Variants in NIPBL observed in about 807,000 individuals in gnomAD.
NIPBL encodes the protein nipped-B-like protein.
NIPBL carries 19 observed loss-of-function variants against 321.8 expected under a neutral mutation model. The observed-to-expected ratio is 0.06, with a 90% CI of 0.04 to 0.09. The LOEUF (loss-of-function observed/expected upper bound fraction) is 0.09. NIPBL is among the 10% of genes least tolerant of loss of function. The pLI is 1.00. For synonymous variants in NIPBL, 1,106 were observed against 1,114.1 expected, an observed-to-expected ratio of 0.99 and a Z score of 0.14; for missense variants, 2,210 against 3,327.0, an observed-to-expected ratio of 0.66 and a Z score of 8.26.
At chr5:36,951,202 A>G (rs1010405297) in intron 1 of NIPBL, among the ~76,000 whole-genome samples, 1 of 152,148 alleles carries the variant, frequency 6.6e-6, no homozygotes, top group Admixed American at 6.5e-5. Flanking sequence ...TTAATCTTCT[A>G]GTTCATACAT....
chr5:37,060,026 T>G (rs1754500424), intron 44 of NIPBL, among the ~76,000 whole-genome samples: 1 of 152,186 alleles, frequency 6.6e-6, no homozygotes, highest in South Asian at 2.1e-4. Context: ...ACCTGGTCAA[T>G]GGCCAACTGG....
chr5:37,057,296 A>T lies in NIPBL; in HGVS notation c.7374A>T (p.Ser2458=), dbSNP rs1324820019. The T allele has an allele frequency of 6.2e-7, 1 of 1,613,698 alleles. No individual in the cohort carries two copies. The highest frequency in any genetic ancestry group is 8.5e-7 in the Non-Finnish European group (1 of 1,179,644). Residue 2458 remains serine (S), a synonymous_variant, in exon 43 of 47, where the codon TCA becomes TCT. Coordinates refer to ENST00000282516, the MANE Select transcript of NIPBL (RefSeq NM_133433.4). The part of the protein sequence containing the change: ...FIMHHIDITL[S]VSGSNLLQSF... ...TGCATCATATAGACATTACACTCTC[A>T]GTTTCTGGTAGTAACCTACTGCAGT...
intron 6 of NIPBL, among the ~76,000 whole-genome samples, chr5:36,970,283 G>A (rs1404297846): frequency 6.6e-6 from 1 of 151,852 alleles, no homozygotes; most frequent in Non-Finnish European, 1.5e-5. Flanking sequence ...CTACTCAGAA[G>A]GCTAAGGCAA....
In NIPBL at chr5:37,064,924, A is replaced by T. The variant is rs758539444; in HGVS notation, c.*32A>T. ...TGTACATGCAGCCAAATTTACAGGA[A>T]TTTTTTTAAAAGGCAGAAAAACTTG... On this transcript the variant is annotated 3_prime_UTR_variant, in exon 47 of 47. Coordinates refer to ENST00000282516, the MANE Select transcript of NIPBL (RefSeq NM_133433.4). 1.9e-5 allele frequency: 31 copies of T among 1,613,662 alleles called. 1 individual carries two copies. The Middle Eastern group carries it at 2.6e-3, about 137-fold the overall frequency.
intron 32 of NIPBL, among the ~76,000 whole-genome samples, chr5:37,030,919 CTTTTTT>C (rs11291612): frequency 6.1e-5 from 5 of 82,396 alleles, no homozygotes; most frequent in Non-Finnish European, 6.8e-5. Flanking sequence ...CATGTTTAGC[CTTTTTT>C]TTTTTTTTTT....
intron 10 of NIPBL, among the ~76,000 whole-genome samples, chr5:36,991,561 G>C (rs1005717782): frequency 9.9e-5 from 15 of 151,894 alleles, no homozygotes; most frequent in African/African-American, 3.4e-4. Flanking sequence ...CTACTTTTCT[G>C]TAATGAGTAG....
intron 1 of NIPBL, among the ~76,000 whole-genome samples, chr5:36,888,067 T>C (rs184827730): frequency 4.7e-4 from 71 of 152,318 alleles, no homozygotes; most frequent in African/African-American, 1.6e-3. Flanking sequence ...AATCTACCCC[T>C]TCCCCAATGT....
At chr5:36,923,347 C>T (rs540733442) in intron 1 of NIPBL, among the ~76,000 whole-genome samples, 1 of 151,954 alleles carries the variant, frequency 6.6e-6, no homozygotes, top group Admixed American at 6.6e-5. Flanking sequence ...AAAATGCTGA[C>T]TTCTCAGGGC....
intron 31 of NIPBL, among the ~76,000 whole-genome samples, chr5:37,026,824 CAGGAGTTCA>C (rs1014210410): frequency 6.6e-6 from 1 of 151,088 alleles, no homozygotes; most frequent in African/African-American, 2.4e-5. Flanking sequence ...ATCTTTGAAC[CAGGAGTTCA>C]AAGCTGCAGT....
intron 1 of NIPBL, among the ~76,000 whole-genome samples, chr5:36,906,709 T>C (rs753219886): frequency 3.3e-5 from 5 of 152,210 alleles, no homozygotes; most frequent in Non-Finnish European, 7.4e-5. Flanking sequence ...AGTTATCTTA[T>C]TAAGTCTTCA....
intron 43 of NIPBL, among the ~76,000 whole-genome samples, chr5:37,058,677 G>A (rs1028444823): frequency 2.6e-5 from 4 of 152,186 alleles, no homozygotes; most frequent in Non-Finnish European, 5.9e-5. Context: ...TTTTTTTGAA[G>A]GAGTGGTTGT....
At chr5:37,057,378 G>A (rs781484961) in intron 43 of NIPBL, 46 bp downstream of exon 43, 5 of 1,559,256 alleles carry the variant, frequency 3.2e-6, no homozygotes, top group East Asian at 2.2e-5. Flanking sequence ...TCAAAGTGCA[G>A]GCATGCTGTT....
chr5:36,990,450 G>A (rs1175780099), intron 10 of NIPBL, among the ~76,000 whole-genome samples: 4 of 152,028 alleles, frequency 2.6e-5, no homozygotes, highest in African/African-American at 9.7e-5. Flanking sequence ...AATTTTCGGT[G>A]TTTTCTTTAA....
chr5:36,953,605 T>C lies in NIPBL; in HGVS notation c.-79-13T>C. The C allele has an allele frequency of 5.2e-6, 5 of 957,444 alleles. No homozygotes were observed. Among genetic ancestry groups the C allele is most frequent in the Non-Finnish European group, 8.6e-6 (5 of 581,054 alleles). 59.3% of individuals were successfully genotyped at this position (957,444 alleles called of 1,614,324 possible). ...ATATCTCTACAAATAATTGTCTGTT[T>C]TGTGTGTTGCAGTGTTTGGGAAATG... On this transcript the variant is annotated splice_polypyrimidine_tract_variant and intron_variant, in intron 1 of 46. Coordinates refer to ENST00000282516, the MANE Select transcript of NIPBL (RefSeq NM_133433.4).
intron 38 of NIPBL, among the ~76,000 whole-genome samples, chr5:37,046,919 C>T (rs1753038747): frequency 1.3e-5 from 2 of 151,908 alleles, no homozygotes; most frequent in Admixed American, 1.3e-4. Flanking sequence ...TACAGTTGGC[C>T]TTCCATATCC....
Position 36,950,796 on chromosome 5 carries a change from C to A in NIPBL, c.-79-2822C>A, listed in dbSNP as rs368733430. Among the ~76,000 whole-genome samples the A allele has an allele frequency of 9.2e-5, 14 of 152,096 alleles. No homozygotes were observed. The East Asian group carries it at 1.7e-3, about 19-fold the overall frequency. ...TTATTCAATCCAGAGCCAAAAATGT[C>A]ATAGCTAGTTAGTTAGGGTTGTGTT... On this transcript the variant is annotated intron_variant, in intron 1 of 46. Transcript: ENST00000282516.
chr5:37,044,268 T>C (rs1449354225), intron 34 of NIPBL, 79 bp from the exon 35 acceptor site: 1 of 1,350,672 alleles, frequency 7.4e-7, no homozygotes, highest in East Asian at 2.4e-5. Context: ...GCCCTATTTC[T>C]GCCCCCAAAT....
chr5:37,058,967 A>T lies in NIPBL; in HGVS notation c.7487A>T (p.Glu2496Val), dbSNP rs758391131. The T allele has an allele frequency of 5.9e-5, 95 of 1,614,094 alleles. No individual in the cohort carries two copies. Among genetic ancestry groups the T allele is most frequent in the Non-Finnish European group, 7.1e-5 (84 of 1,180,020 alleles). ...AATGAGTCAAGCGACAGTGAAGAAGAAGTTTCCAGGCCTCGGAAGTCACGG... is the reference window on the plus strand; with the variant it reads ...AATGAGTCAAGCGACAGTGAAGAAGTAGTTTCCAGGCCTCGGAAGTCACGG... ...KENESSDSEE[E>V]VSRPRKSRKR... Residue 2496 changes from glutamate (E) to valine (V), a missense_variant, in exon 44 of 47, where the codon GAA becomes GTA. Physicochemically the swap from Glu to Val is moderately radical, Grantham distance 121. This residue lies in a region of NIPBL where 79 missense variants were observed against 90.8 expected (regional missense o/e 0.87). Transcript: ENST00000282516.
chr5:36,878,280 TGAGA>T (rs1745245911), intron 1 of NIPBL, among the ~76,000 whole-genome samples: 1 of 152,220 alleles, frequency 6.6e-6, no homozygotes, highest in Non-Finnish European at 1.5e-5. Context: ...GACTGTGTAA[TGAGA>T]GAGGTGTCAT....
Sources: allele counts gnomAD v4.1 joint callset (sites outside exome capture counted in the v4.1 genomes callset), GRCh38; gene constraint gnomAD v4.1.1; regional missense constraint gnomAD v4.1.1; transcripts MANE v1.5; gene names NCBI Gene and HGNC (gene_info 2026-07-23, HGNC 2026-07-21).